Variants in LIG1 observed in about 807,000 individuals in gnomAD.
LIG1 encodes DNA ligase 1, also known as ligase I, DNA, ATP-dependent.
LIG1 carries 70 observed loss-of-function variants against 115.7 expected under a neutral mutation model. That is an observed-to-expected ratio of 0.60 (90% CI 0.50 to 0.74). The LOEUF (loss-of-function observed/expected upper bound fraction) is 0.74. Ranked by LOEUF, LIG1 falls within the 30% of genes least tolerant of loss-of-function variation. The pLI, the probability that LIG1 is intolerant of heterozygous loss-of-function variation, is 0.00. For synonymous variants in LIG1, 487 were observed against 495.3 expected (o/e 0.98, Z 0.22); for missense variants, 1,115 against 1,225.6 (o/e 0.91, Z 1.35).
intron 17 of LIG1, 86 bp downstream of exon 17, chr19:48,133,895 A>T: frequency 9.2e-7 from 1 of 1,089,364 alleles, no homozygotes; most frequent in Non-Finnish European, 1.4e-6. Context: ...AAGTTCTGAG[A>T]GGGGCGCCTA....
At chr19:48,119,055 C>T (rs974917138) in intron 25 of LIG1, 82 bp downstream of exon 25, 34 of 1,184,824 alleles carry the variant, frequency 2.9e-5, no homozygotes, top group Non-Finnish European at 1.8e-5. Context: ...TGGTGGAAGC[C>T]AAGAGCCCTG....
chr19:48,160,281 T>C (rs766829736), intron 4 of LIG1, among the ~76,000 whole-genome samples: 1 of 152,142 alleles, frequency 6.6e-6, no homozygotes, highest in Non-Finnish European at 1.5e-5. Context: ...GGAAGTGATA[T>C]CTGAGCAAAG....
intron 14 of LIG1, 143 bp from the exon 15 acceptor site, chr19:48,136,268 C>T: frequency 1.5e-6 from 1 of 648,210 alleles, no homozygotes; most frequent in Admixed American, 2.4e-5. Context: ...GAAGGGACCC[C>T]AGATATCACA....
chr19:48,131,221 G>T, intron 18 of LIG1, 50 bp from the exon 19 acceptor site: 1 of 1,424,500 alleles, frequency 7.0e-7, no homozygotes. Flanking sequence ...CCCTCATGTG[G>T]CCTCAGCTTT....
chr19:48,123,523 C>T, intron 21 of LIG1: 2 of 620,744 alleles, frequency 3.2e-6, no homozygotes, highest in East Asian at 2.8e-5. Context: ...GGCCCGACAC[C>T]ATTTAGAGTC....
rs968968198 is a variant in LIG1, at chr19:48,137,781, G to T, written c.1088-93C>A. Reference sequence around the variant, plus strand: ...CGGCCTGGATGAATTTTCTCCAGCTGTGTGTGCTTGTGGCGAGTCCCTGCA... The same window carrying T: ...CGGCCTGGATGAATTTTCTCCAGCTTTGTGTGCTTGTGGCGAGTCCCTGCA... On this transcript the variant is annotated intron_variant, in intron 12 of 27. Transcript: ENST00000263274. This position sits in a 1 kb window ranked among gnomAD's most constrained non-coding sequence, Gnocchi z 4.3. The T allele has an allele frequency of 6.8e-7, 1 of 1,478,072 alleles. No individual in the cohort carries two copies. The highest frequency in any genetic ancestry group is 9.2e-7 in the Non-Finnish European group (1 of 1,086,944). 91.6% of individuals were successfully genotyped at this position (1,478,072 alleles called of 1,614,324 possible). A position where few individuals can be genotyped will look rare whatever the true frequency, so the allele number is the denominator to read the frequency against.
chr19:48,137,899 C>T lies in LIG1; in HGVS notation c.1088-211G>A, dbSNP rs970114045. The T allele has an allele frequency of 1.6e-5, 10 of 631,004 alleles. No homozygotes were observed. Among genetic ancestry groups the T allele is most frequent in the East Asian group, 5.6e-5 (2 of 35,938 alleles). 39.1% of individuals were successfully genotyped at this position (631,004 alleles called of 1,614,324 possible). On this transcript the variant is annotated intron_variant, in intron 12 of 27. Coordinates refer to ENST00000263274, the MANE Select transcript of LIG1 (RefSeq NM_000234.3). The surrounding 1 kb of genome is among the most constrained non-coding windows in gnomAD (Gnocchi z 4.3). ...GCTGTAGGAAGTCAGCAAACATGCA[C>T]GTGGAGCCAGGAAAGCGGTGGATGA...
chr19:48,141,893 A>G (rs1234635126), intron 11 of LIG1, among the ~76,000 whole-genome samples: 1 of 152,236 alleles, frequency 6.6e-6, no homozygotes, highest in African/African-American at 2.4e-5. Flanking sequence ...AGGTCCACTC[A>G]GAGCCTCACA....
At chr19:48,166,608 A>T (rs3730843) in intron 1 of LIG1, among the ~76,000 whole-genome samples, 6,567 of 152,242 alleles carry the variant, frequency 0.043, 332 homozygotes, top group African/African-American at 0.11. Context: ...ATACTTTTTT[A>T]AAAAGTCTGT....
chr19:48,142,469 G>A (rs1022212064), intron 11 of LIG1, among the ~76,000 whole-genome samples: 1 of 96,448 alleles, frequency 1.0e-5, no homozygotes, highest in African/African-American at 4.1e-5. Context: ...AGAGTGCTGG[G>A]AACAGCCTGA....
intron 1 of LIG1, among the ~76,000 whole-genome samples, chr19:48,166,267 C>T (rs959007413): frequency 3.4e-4 from 51 of 152,136 alleles, no homozygotes; most frequent in African/African-American, 1.0e-3. Context: ...TGCGGTGGCA[C>T]GCGCCTGTAT....
chr19:48,143,429 G>A (rs1044480354), intron 11 of LIG1, 114 bp downstream of exon 11: 5 of 961,966 alleles, frequency 5.2e-6, no homozygotes, highest in African/African-American at 1.6e-5. Context: ...ACGCCCGAGC[G>A]GGGTCAGAGG....
intron 6 of LIG1, among the ~76,000 whole-genome samples, 196 bp downstream of exon 6, chr19:48,153,675 CA>C (rs1568538213): frequency 1.4e-5 from 2 of 146,326 alleles, no homozygotes; most frequent in African/African-American, 5.1e-5. Flanking sequence ...CACACACACA[CA>C]CACACACACA....
At chr19:48,138,874 C>T (rs1257621910) in intron 12 of LIG1, among the ~76,000 whole-genome samples, 1 of 152,186 alleles carries the variant, frequency 6.6e-6, no homozygotes, top group Non-Finnish European at 1.5e-5. Context: ...TCAGTGCTCC[C>T]GAAACACATC....
intron 21 of LIG1, among the ~76,000 whole-genome samples, chr19:48,125,010 C>CAA (rs34073314): frequency 3.3e-5 from 3 of 90,636 alleles, no homozygotes; most frequent in Admixed American, 1.2e-4. Context: ...GACTGTGTCT[C>CAA]AAAAAAAAAA....
chr19:48,117,018 G>A (rs982729508), intron 26 of LIG1, among the ~76,000 whole-genome samples: 7 of 150,680 alleles, frequency 4.6e-5, no homozygotes, highest in Non-Finnish European at 7.4e-5. Flanking sequence ...TTTTTTGGTA[G>A]AGGTGGGGTT....
chr19:48,140,294 C>G (rs1265757359), intron 11 of LIG1, 151 bp from the exon 12 acceptor site: 3 of 624,602 alleles, frequency 4.8e-6, no homozygotes, highest in Non-Finnish European at 5.6e-6. Flanking sequence ...GGGCCTGGAG[C>G]CATGAGGACA....
intron 19 of LIG1, 91 bp downstream of exon 19, chr19:48,130,985 G>A (rs143533908): frequency 3.7e-5 from 37 of 1,007,696 alleles, no homozygotes; most frequent in Non-Finnish European, 5.0e-5. Flanking sequence ...AATAAACCCC[G>A]CACTGTGCCA....
In LIG1 at chr19:48,115,513, C is replaced by G. The variant is rs1431271696; in HGVS notation, c.*136G>C. 2.9e-6 allele frequency: 2 copies of G among 697,144 alleles called. No homozygotes were observed. Among genetic ancestry groups the G allele is most frequent in the South Asian group, 1.5e-5 (1 of 65,596 alleles). 43.2% of individuals were successfully genotyped at this position (697,144 alleles called of 1,614,324 possible). A position where few individuals can be genotyped will look rare whatever the true frequency, so the allele number is the denominator to read the frequency against. ...TCCCAGACTCCGGAGTAAGCCACCC[C>G]CTCACACACACACCCCTCCCCTGAC... On this transcript the variant is annotated 3_prime_UTR_variant, in exon 28 of 28. Coordinates refer to ENST00000263274, the MANE Select transcript of LIG1 (RefSeq NM_000234.3).
Sources: allele counts gnomAD v4.1 joint callset (sites outside exome capture counted in the v4.1 genomes callset), GRCh38; gene constraint gnomAD v4.1.1; non-coding constraint Gnocchi (gnomAD v3.1); transcripts MANE v1.5; gene names NCBI Gene and HGNC (gene_info 2026-07-23, HGNC 2026-07-21).